Variants in PKP4 observed in about 807,000 individuals in gnomAD.
PKP4 encodes plakophilin-4.
A neutral mutation model predicts 145.1 loss-of-function variants in PKP4; 90 were observed. The observed-to-expected ratio is 0.62, with a 90% CI of 0.52 to 0.74. PKP4 has a LOEUF of 0.74. Ranked by LOEUF, PKP4 falls within the 30% of genes least tolerant of loss-of-function variation. The pLI is 0.00. For missense variants in PKP4, 1,340 were observed against 1,482.7 expected (o/e 0.90, Z 1.58); for synonymous variants, 563 against 577.2 (o/e 0.98, Z 0.35).
chr2:158,535,231 G>A lies in PKP4; in HGVS notation c.132+1915G>A, dbSNP rs151144038. 1.2e-3 allele frequency among the ~76,000 whole-genome samples: 182 copies of A among 152,166 alleles called. 1 individual carries two copies. The highest frequency in any genetic ancestry group is 4.1e-3 in the African/African-American group (171 of 41,512). ...GTCACTTCCTATCATCTACCCAATGGGATAGAGCACAGAAAAGTTAGATCC... is the reference window on the plus strand; with the variant it reads ...GTCACTTCCTATCATCTACCCAATGAGATAGAGCACAGAAAAGTTAGATCC... On this transcript the variant is annotated intron_variant, in intron 2 of 21. Coordinates refer to ENST00000389759, the MANE Select transcript of PKP4 (RefSeq NM_003628.6).
chr2:158,625,313 C>T lies in PKP4; in HGVS notation c.1039C>T (p.Pro347Ser), dbSNP rs1485844648. Reference protein sequence around the residue: ...SPKRSGMTAVPQHLGPSLQRT... With the variant: ...SPKRSGMTAVSQHLGPSLQRT... The stretch of plus-strand genomic sequence containing the variant: ...CAAACGCTCAGGGATGACCGCCGTA[C>T]CACAGCATCTGGGACCTTCACTGCA... The change falls in exon 7 of 22, where the codon CCA becomes TCA. Residue 347 changes from proline to serine, a missense_variant. Pro to Ser is a moderately conservative substitution (Grantham distance 74). Coordinates refer to ENST00000389759, the MANE Select transcript of PKP4 (RefSeq NM_003628.6). The T allele has an allele frequency of 2.5e-6, 4 of 1,614,050 alleles. No homozygotes were observed. Among genetic ancestry groups the T allele is most frequent in the Non-Finnish European group, 3.4e-6 (4 of 1,180,014 alleles).
At chr2:158,477,574 A>G (rs1692679730) in intron 1 of PKP4, among the ~76,000 whole-genome samples, 1 of 152,210 alleles carries the variant, frequency 6.6e-6, no homozygotes, top group African/African-American at 2.4e-5. Flanking sequence ...TAGACCCCGT[A>G]AAGAAGAAAG....
intron 2 of PKP4, among the ~76,000 whole-genome samples, chr2:158,574,947 G>T (rs573820907): frequency 6.6e-6 from 1 of 152,310 alleles, no homozygotes; most frequent in African/African-American, 2.4e-5. Context: ...ACTGTAAATT[G>T]TTTCTGTGGG....
intron 19 of PKP4, among the ~76,000 whole-genome samples, chr2:158,675,259 G>A (rs1381904164): frequency 6.6e-6 from 1 of 151,894 alleles, no homozygotes; most frequent in East Asian, 1.9e-4. Flanking sequence ...GTCCCAGGAT[G>A]GCTTTGCGGC....
intron 3 of PKP4, among the ~76,000 whole-genome samples, chr2:158,594,455 C>T (rs1011278304): frequency 6.6e-6 from 1 of 152,176 alleles, no homozygotes; most frequent in African/African-American, 2.4e-5. Flanking sequence ...AGTTAGGCAC[C>T]TGTTGTCACA....
chr2:158,550,618 ACTGT>A (rs771002209), intron 2 of PKP4, among the ~76,000 whole-genome samples: 34 of 152,210 alleles, frequency 2.2e-4, no homozygotes, highest in Non-Finnish European at 4.4e-4. Context: ...AATGTAAGAC[ACTGT>A]CTGTTCTGAT....
At chr2:158,554,429 A>ATTATTAT (rs1553573064) in intron 2 of PKP4, among the ~76,000 whole-genome samples, 5 of 141,190 alleles carry the variant, frequency 3.5e-5, no homozygotes, top group South Asian at 4.6e-4. Context: ...TATTATTATT[A>ATTATTAT]TTTTTTTTTT....
Position 158,625,164 on chromosome 2 carries a change from C to G in PKP4, c.890C>G (p.Ser297Cys), listed in dbSNP as rs767853150. Residue 297 changes from serine to cysteine, a missense_variant, in exon 7 of 22, where the codon TCC becomes TGC. Coordinates refer to ENST00000389759, the MANE Select transcript of PKP4 (RefSeq NM_003628.6). ...RIGSVTSRQT[S>C]NPNGPTPQYQ... Reference sequence around the variant, plus strand: ...GGGTCAGTCACCTCCCGGCAGACCTCCAATCCCAACGGACCAACCCCTCAA... The same window carrying G: ...GGGTCAGTCACCTCCCGGCAGACCTGCAATCCCAACGGACCAACCCCTCAA... The G allele has an allele frequency of 5.6e-6, 9 of 1,614,068 alleles. No homozygotes were observed. In the African/African-American group the frequency reaches 8.0e-5, roughly 14 times the overall value.
At chr2:158,575,412 A>G (rs1412594168) in intron 2 of PKP4, among the ~76,000 whole-genome samples, 4 of 152,218 alleles carry the variant, frequency 2.6e-5, no homozygotes, top group Admixed American at 6.5e-5. Flanking sequence ...TCAAGCAGGA[A>G]CTTTCCCAGC....
At chr2:158,635,755 A>G (rs1196612938) in intron 9 of PKP4, among the ~76,000 whole-genome samples, 1 of 152,150 alleles carries the variant, frequency 6.6e-6, no homozygotes, top group Non-Finnish European at 1.5e-5. Flanking sequence ...TGATTATGTG[A>G]AACTTTACTG....
At chr2:158,579,431 A>AT (rs1424064319) in intron 3 of PKP4, among the ~76,000 whole-genome samples, 1 of 148,604 alleles carries the variant, frequency 6.7e-6, no homozygotes, top group Non-Finnish European at 1.5e-5. Flanking sequence ...TTTCCAAATT[A>AT]GTTCTGATTT....
At chr2:158,465,334 G>C (rs1690443249) in intron 1 of PKP4, among the ~76,000 whole-genome samples, 1 of 152,054 alleles carries the variant, frequency 6.6e-6, no homozygotes, top group South Asian at 2.1e-4. Context: ...GCTTTCTTTG[G>C]GAAAAGTCTG....
chr2:158,457,214 G>A lies in PKP4; in HGVS notation c.-10G>A, dbSNP rs1688877916. ...AGCGACGACGGCCGCTGCCTAAGCT[G>A]GAAAGTAAGTGTGTGGGCTCGCGGG... is the stretch of plus-strand genomic sequence containing the variant. On this transcript the variant is annotated 5_prime_UTR_variant, in exon 1 of 22. Coordinates refer to ENST00000389759, the MANE Select transcript of PKP4 (RefSeq NM_003628.6). 1 of 151,804 alleles carries A rather than the reference G, an allele frequency of 6.6e-6. No homozygotes were observed. The highest frequency in any genetic ancestry group is 1.5e-5 in the Non-Finnish European group (1 of 67,934). 9.4% of individuals were successfully genotyped at this position (151,804 alleles called of 1,614,324 possible).
At chr2:158,570,689 A>T (rs867849614) in intron 2 of PKP4, among the ~76,000 whole-genome samples, 2 of 152,182 alleles carry the variant, frequency 1.3e-5, no homozygotes, top group Non-Finnish European at 2.9e-5. Context: ...TACTGCTAGC[A>T]TGAGATGATT....
At chr2:158,576,085 T>C (rs1257717210) in intron 2 of PKP4, among the ~76,000 whole-genome samples, 2 of 152,200 alleles carry the variant, frequency 1.3e-5, no homozygotes, top group Non-Finnish European at 2.9e-5. Flanking sequence ...GAAAGGATTC[T>C]CAGTATCAGA....
At chr2:158,472,064 A>G (rs189933040) in intron 1 of PKP4, among the ~76,000 whole-genome samples, 1 of 152,324 alleles carries the variant, frequency 6.6e-6, no homozygotes, top group Non-Finnish European at 1.5e-5. Flanking sequence ...AATTAGTTAG[A>G]TTGAAAGAAT....
intron 11 of PKP4, among the ~76,000 whole-genome samples, chr2:158,655,007 C>G: frequency 6.6e-6 from 1 of 151,986 alleles, no homozygotes. Flanking sequence ...AAATGTTCAT[C>G]TTTTTTTAAA....
intron 1 of PKP4, among the ~76,000 whole-genome samples, chr2:158,482,004 T>C (rs1693430477): frequency 6.6e-6 from 1 of 152,244 alleles, no homozygotes; most frequent in Non-Finnish European, 1.5e-5. Context: ...ATAATGTTGG[T>C]AAAGTTTATA....
chr2:158,603,064 CT>C lies in PKP4; in HGVS notation c.246-3del. On this transcript the variant is annotated splice_region_variant and splice_polypyrimidine_tract_variant and intron_variant, in intron 3 of 21. Coordinates refer to ENST00000389759, the MANE Select transcript of PKP4 (RefSeq NM_003628.6). ...ATGTTCCATTTTTTTCTTTCTTTTT[CT>C]TTAGCTCAACTGAGAAGTCATTTCC... is the stretch of plus-strand genomic sequence containing the variant. 1 of 1,482,568 alleles carries C rather than the reference CT, an allele frequency of 6.7e-7. No homozygotes were observed. The highest frequency in any genetic ancestry group is 9.1e-7 in the Non-Finnish European group (1 of 1,095,152). The allele number at this position is 1,482,568 out of a possible 1,614,324, so 91.8% of individuals were successfully genotyped here. A position where few individuals can be genotyped will look rare whatever the true frequency, so the allele number is the denominator to read the frequency against.
Sources: allele counts gnomAD v4.1 joint callset (sites outside exome capture counted in the v4.1 genomes callset), GRCh38; gene constraint gnomAD v4.1.1; transcripts MANE v1.5; gene names NCBI Gene and HGNC (gene_info 2026-07-23, HGNC 2026-07-21).